Variants in HNRNPUL1 observed in about 807,000 individuals in gnomAD.
HNRNPUL1 encodes heterogeneous nuclear ribonucleoprotein U-like protein 1.
HNRNPUL1 carries 14 observed loss-of-function variants against 108.5 expected under a neutral mutation model. That is an observed-to-expected ratio of 0.13 (90% CI 0.09 to 0.20). The LOEUF (loss-of-function observed/expected upper bound fraction) is 0.20, where lower values mean the gene tolerates loss of function less well. Among genes scored for constraint, HNRNPUL1 ranks in the 10% least tolerant of loss-of-function variants. HNRNPUL1 has a pLI of 1.00. For missense variants in HNRNPUL1, 804 were observed against 1,168.3 expected (o/e 0.69, Z 4.55); for synonymous variants, 422 against 445.2 (o/e 0.95, Z 0.66).
intron 2 of HNRNPUL1, 99 bp downstream of exon 2, chr19:41,268,444 CT>C: frequency 7.6e-7 from 1 of 1,312,792 alleles, no homozygotes; most frequent in Non-Finnish European, 1.0e-6. Context: ...AACTGTGCAT[CT>C]TTTTTCTTGG....
intron 2 of HNRNPUL1, among the ~76,000 whole-genome samples, chr19:41,271,092 C>G (rs148006370): frequency 3.3e-5 from 5 of 152,194 alleles, no homozygotes; most frequent in African/African-American, 1.2e-4. Flanking sequence ...TTTTGTGCTG[C>G]TTTTACTGTG....
At chr19:41,265,540 G>C (rs968170216) in intron 1 of HNRNPUL1, among the ~76,000 whole-genome samples, 1 of 152,200 alleles carries the variant, frequency 6.6e-6, no homozygotes, top group Non-Finnish European at 1.5e-5. Context: ...GGTGCTGGGA[G>C]ATCTGGGGAC....
chr19:41,281,378 C>CT (rs2035890168), intron 7 of HNRNPUL1, 103 bp downstream of exon 7: 2 of 706,052 alleles, frequency 2.8e-6, no homozygotes, highest in East Asian at 5.4e-5. Context: ...TCCAGCCACT[C>CT]TCGCCATACT....
Position 41,302,799 on chromosome 19 carries a change from C to T in HNRNPUL1, c.1822C>T (p.Arg608Cys), listed in dbSNP as rs201170736. The T allele has an allele frequency of 2.1e-5, 33 of 1,609,742 alleles. No homozygotes were observed. The highest frequency in any genetic ancestry group is 1.7e-5 in the Admixed American group (1 of 59,814). The change falls in exon 12 of 15, where the codon CGC (arginine) becomes TGC (cysteine). Residue 608 changes from arginine (R) to cysteine (C), a missense_variant. By Grantham distance (180) the Arg-to-Cys change is radical. This residue lies in a region of HNRNPUL1 where 294 missense variants were observed against 388.3 expected (regional missense o/e 0.76). Coordinates refer to ENST00000392006, the MANE Select transcript of HNRNPUL1 (RefSeq NM_007040.6). ...CAAGGCTGGGCCACCCCCTGAAAAG[C>T]GCTTTGACAACCGAGGTGGTGGTGG... Reference protein sequence around the residue: ...GRKAGPPPEKRFDNRGGGGFR... With the variant: ...GRKAGPPPEKCFDNRGGGGFR...
At chr19:41,281,128 A>G (rs1196412552) in intron 6 of HNRNPUL1, 35 bp from the exon 7 acceptor site, 2 of 1,379,368 alleles carry the variant, frequency 1.4e-6, no homozygotes, top group South Asian at 1.2e-5. Context: ...TGACCATCGC[A>G]GGTTTAACCT....
chr19:41,300,119 C>G (rs995536999), intron 10 of HNRNPUL1, among the ~76,000 whole-genome samples: 1 of 152,104 alleles, frequency 6.6e-6, no homozygotes, highest in Non-Finnish European at 1.5e-5. Flanking sequence ...ACCTGTGTCC[C>G]CCTACTTGAG....
At position 41,305,671 on chromosome 19, in the gene HNRNPUL1, T is replaced by C. The variant is rs780443189; in HGVS notation, c.2263-5T>C. Reference sequence around the variant, plus strand: ...AGCTTTGGCTTTTTTCCCTCCACTTTCCAGCCGAGTTACAGCCAGCCACCC... The same window carrying C: ...AGCTTTGGCTTTTTTCCCTCCACTTCCCAGCCGAGTTACAGCCAGCCACCC... On this transcript the variant is annotated splice_polypyrimidine_tract_variant and splice_region_variant and intron_variant, in intron 13 of 14. Coordinates refer to ENST00000392006, the MANE Select transcript of HNRNPUL1 (RefSeq NM_007040.6). 2 of 1,614,064 alleles carry C rather than the reference T, an allele frequency of 1.2e-6. No homozygotes were observed. Among genetic ancestry groups the C allele is most frequent in the Non-Finnish European group, 1.7e-6 (2 of 1,179,946 alleles).
chr19:41,277,155 T>A (rs1158951943), intron 5 of HNRNPUL1, among the ~76,000 whole-genome samples: 1 of 152,066 alleles, frequency 6.6e-6, no homozygotes, highest in East Asian at 1.9e-4. Flanking sequence ...TCTCATGTCC[T>A]CTCAGTTCCC....
rs2036897477 is a variant in HNRNPUL1 at position 41,296,373 on chromosome 19, G to A, written c.1518+1687G>A. Among the ~76,000 whole-genome samples, 3 of 152,218 alleles carry A rather than the reference G, an allele frequency of 2.0e-5. No homozygotes were observed. In the South Asian group the frequency reaches 6.2e-4, roughly 31 times the overall value. Reference sequence around the variant, plus strand: ...TAGGGCTGTACCAGGTATGCCTGTGGTCTTCAGGGCTACCAGCCTCCTGCT... The same window carrying A: ...TAGGGCTGTACCAGGTATGCCTGTGATCTTCAGGGCTACCAGCCTCCTGCT... On this transcript the variant is annotated intron_variant, in intron 10 of 14. Coordinates refer to ENST00000392006, the MANE Select transcript of HNRNPUL1 (RefSeq NM_007040.6).
intron 14 of HNRNPUL1, 45 bp downstream of exon 14, chr19:41,305,912 G>T (rs1288531846): frequency 7.7e-7 from 1 of 1,292,564 alleles, no homozygotes. Flanking sequence ...GACTTCCATG[G>T]GCCCCTCCTG....
At chr19:41,290,670 C>T (rs1224623873) in intron 7 of HNRNPUL1, among the ~76,000 whole-genome samples, 1 of 152,156 alleles carries the variant, frequency 6.6e-6, no homozygotes, top group Non-Finnish European at 1.5e-5. Flanking sequence ...ATTATTACCC[C>T]GCCCCCCTTT....
At chr19:41,305,042 AGGTTTGTTGTGAGGAATG>A (rs1220153201) in intron 13 of HNRNPUL1, among the ~76,000 whole-genome samples, 1 of 152,130 alleles carries the variant, frequency 6.6e-6, no homozygotes, top group Non-Finnish European at 1.5e-5. Context: ...GTCCCTTCCA[AGGTTTGTTGTGAGGAATG>A]GGTGGCACTA....
intron 4 of HNRNPUL1, among the ~76,000 whole-genome samples, chr19:41,275,279 T>C (rs567840842): frequency 2.3e-4 from 35 of 152,240 alleles, no homozygotes; most frequent in African/African-American, 7.9e-4. Flanking sequence ...TTTTGTATTC[T>C]AAAAACTAGT....
At chr19:41,265,348 G>T (rs2034763353) in intron 1 of HNRNPUL1, 3 of 1,513,480 alleles carry the variant, frequency 2.0e-6, no homozygotes, top group Non-Finnish European at 2.7e-6. Context: ...ATTTGGGTAC[G>T]GGGGTGGGTG....
At chr19:41,266,955 C>A (rs2034889307) in intron 1 of HNRNPUL1, among the ~76,000 whole-genome samples, 1 of 152,140 alleles carries the variant, frequency 6.6e-6, no homozygotes, top group South Asian at 2.1e-4. Flanking sequence ...GAATGCCTAG[C>A]AAGAAAGGGT....
intron 7 of HNRNPUL1, chr19:41,291,979 C>CA (rs534769812): frequency 0.14 from 31,183 of 229,936 alleles, 287 homozygotes; most frequent in South Asian, 0.17. Flanking sequence ...GACCCTGTCT[C>CA]AAAAAAAAAA....
chr19:41,267,862 T>G (rs2034949060), intron 1 of HNRNPUL1, among the ~76,000 whole-genome samples: 1 of 152,224 alleles, frequency 6.6e-6, no homozygotes. Flanking sequence ...CCCAGTAACA[T>G]TCTCCATTCT....
Position 41,306,937 on chromosome 19 carries a change from T to C in HNRNPUL1, c.*372T>C, listed in dbSNP as rs552284376. The C allele has an allele frequency of 4.0e-4, 67 of 166,294 alleles. 1 individual carries two copies. The South Asian group carries it at 0.013, about 33-fold the overall frequency. 10.3% of individuals were successfully genotyped at this position (166,294 alleles called of 1,614,324 possible). ...CTCCTGTTCACTCTCCCAACCCTGC[T>C]CCAGCCCCTCAGCTTCCCAGACCCT... On this transcript the variant is annotated 3_prime_UTR_variant, in exon 15 of 15. Coordinates refer to ENST00000392006, the MANE Select transcript of HNRNPUL1 (RefSeq NM_007040.6).
rs757861224 is a variant in HNRNPUL1 at position 41,272,284 on chromosome 19, C to G, written c.572+49C>G. ...CCCTTGCTCTGGTAGGTTTCTATAT[C>G]CATAGCCTCGTGCTTGCTGGGGACA... On this transcript the variant is annotated intron_variant, in intron 3 of 14. Coordinates refer to ENST00000392006, the MANE Select transcript of HNRNPUL1 (RefSeq NM_007040.6). 9 of 1,581,184 alleles carry G rather than the reference C, an allele frequency of 5.7e-6. No individual in the cohort carries two copies. In the East Asian group the frequency reaches 2.0e-4, roughly 36 times the overall value.
Sources: allele counts gnomAD v4.1 joint callset (sites outside exome capture counted in the v4.1 genomes callset), GRCh38; gene constraint gnomAD v4.1.1; regional missense constraint gnomAD v4.1.1; transcripts MANE v1.5; gene names NCBI Gene and HGNC (gene_info 2026-07-23, HGNC 2026-07-21).